The following WWP1 variants were observed in gnomAD, a reference collection of about 807,000 sequenced individuals.
WWP1 encodes the protein NEDD4-like E3 ubiquitin-protein ligase WWP1.
A neutral mutation model predicts 130.6 loss-of-function variants in WWP1; 49 were observed. That is an observed-to-expected ratio of 0.38 (90% CI 0.30 to 0.48). The LOEUF is 0.48. Among genes scored for constraint, WWP1 ranks in the 20% least tolerant of loss-of-function variants. WWP1 has a pLI of 0.99. For synonymous variants in WWP1, 332 were observed against 367.8 expected (o/e 0.90, Z 1.11); for missense variants, 809 against 1,100.6 (o/e 0.74, Z 3.75).
rs1809713400 is a variant in WWP1 at position 86,427,750 on chromosome 8, A to G, written c.1265A>G (p.Gln422Arg). 1.2e-6 allele frequency: 2 copies of G among 1,614,120 alleles called. No individual in the cohort carries two copies. Among genetic ancestry groups the G allele is most frequent in the East Asian group, 2.2e-5 (1 of 44,872 alleles). ...ATGGAATCTGTCCGAAATTTTGAAC[A>G]GTGGCAATCTCAGCGGAACCAATTG... The part of the protein sequence containing the change: ...PTMESVRNFE[Q>R]WQSQRNQLQG... Residue 422 changes from glutamine to arginine, a missense_variant, in exon 11 of 25, where the codon CAG becomes CGG. Transcript: ENST00000517970.
At chr8:86,423,235 A>T (rs1004107662) in intron 9 of WWP1, among the ~76,000 whole-genome samples, 2 of 151,850 alleles carry the variant, frequency 1.3e-5, no homozygotes, top group African/African-American at 2.4e-5. Context: ...TTATTTATTT[A>T]TTTTTTTAAT....
rs370902687 is a variant in WWP1 at position 86,419,344 on chromosome 8, G to A, written c.1062-5879G>A. 7.1e-4 allele frequency among the ~76,000 whole-genome samples: 108 copies of A among 152,288 alleles called. 1 individual carries two copies. Among genetic ancestry groups the A allele is most frequent in the African/African-American group, 2.5e-3 (105 of 41,566 alleles). ...GAGGCAGAAGAATCGCTTGAACCTG[G>A]GAGACGGAGGTTGCAGTGAGCTGAG... is the stretch of plus-strand genomic sequence containing the variant. On this transcript the variant is annotated intron_variant, in intron 9 of 24. Coordinates refer to ENST00000517970, the MANE Select transcript of WWP1 (RefSeq NM_007013.4).
intron 8 of WWP1, among the ~76,000 whole-genome samples, chr8:86,404,467 T>C (rs1195419523): frequency 5.9e-5 from 9 of 152,232 alleles, no homozygotes; most frequent in Non-Finnish European, 1.3e-4. Flanking sequence ...TGTCTGATAC[T>C]TTATAGATTC....
intron 9 of WWP1, among the ~76,000 whole-genome samples, chr8:86,414,660 C>A (rs1192356056): frequency 6.6e-6 from 1 of 152,202 alleles, no homozygotes; most frequent in Non-Finnish European, 1.5e-5. Flanking sequence ...ATGGGTGCCT[C>A]AATCCTGTTG....
rs191529166 is a variant in WWP1, at chr8:86,367,709, T to A, written c.-114-1230T>A. Among the ~76,000 whole-genome samples the A allele has an allele frequency of 5.8e-4, 88 of 152,326 alleles. 2 individuals are homozygous for A. The highest frequency in any genetic ancestry group is 1.1e-3 in the Admixed American group (17 of 15,304). ...TTGTTTTTTCTTTTGCCAACCCTGC[T>A]TTCTAAATTGCTGAACCTAAATTGA... On this transcript the variant is annotated intron_variant, in intron 1 of 24. Transcript: ENST00000517970.
chr8:86,423,336 A>G (rs968343139), intron 9 of WWP1, among the ~76,000 whole-genome samples: 1 of 152,032 alleles, frequency 6.6e-6, no homozygotes, highest in Non-Finnish European at 1.5e-5. Context: ...CAAGTGAACA[A>G]AGGTCTCTGG....
Position 86,468,284 on chromosome 8 carries a change from T to C in WWP1, c.*1391T>C, listed in dbSNP as rs1319130418. The C allele has an allele frequency of 7.5e-6, 3 of 402,292 alleles. No individual in the cohort carries two copies. Among genetic ancestry groups the C allele is most frequent in the Admixed American group, 3.5e-5 (1 of 28,398 alleles). 24.9% of individuals were successfully genotyped at this position (402,292 alleles called of 1,614,324 possible). Reference sequence around the variant, plus strand: ...ACAGTAATTATTGTTTTGCCAAAATTTTATTTTTCTACATATTGAGAGTGT... The same window carrying C: ...ACAGTAATTATTGTTTTGCCAAAATCTTATTTTTCTACATATTGAGAGTGT... On this transcript the variant is annotated 3_prime_UTR_variant, in exon 25 of 25. Transcript: ENST00000517970.
intron 8 of WWP1, among the ~76,000 whole-genome samples, chr8:86,409,831 G>A (rs1429124510): frequency 6.6e-6 from 1 of 151,920 alleles, no homozygotes; most frequent in Non-Finnish European, 1.5e-5. Context: ...CTGCACTCCA[G>A]TCTGGGCCAC....
chr8:86,409,898 T>C (rs1450838506), intron 8 of WWP1, among the ~76,000 whole-genome samples: 1 of 152,174 alleles, frequency 6.6e-6, no homozygotes, highest in Non-Finnish European at 1.5e-5. Context: ...AATTATTGTA[T>C]ATTAATGACT....
chr8:86,390,153 C>T (rs930524761), intron 5 of WWP1, among the ~76,000 whole-genome samples: 7 of 151,486 alleles, frequency 4.6e-5, no homozygotes, highest in Non-Finnish European at 7.4e-5. Flanking sequence ...CGGGCAGACA[C>T]GCTCCTCACT....
chr8:86,408,229 A>C (rs1808390644), intron 8 of WWP1, among the ~76,000 whole-genome samples: 1 of 151,890 alleles, frequency 6.6e-6, no homozygotes, highest in Non-Finnish European at 1.5e-5. Flanking sequence ...TTGACTTCTC[A>C]TTTCTTTTTA....
intron 14 of WWP1, among the ~76,000 whole-genome samples, chr8:86,435,057 A>G (rs1810214586): frequency 6.6e-6 from 1 of 152,206 alleles, no homozygotes; most frequent in Non-Finnish European, 1.5e-5. Context: ...TATTATCTCC[A>G]GGAATATTTG....
intron 9 of WWP1, among the ~76,000 whole-genome samples, chr8:86,422,268 A>G (rs1252750547): frequency 6.6e-6 from 1 of 151,958 alleles, no homozygotes; most frequent in African/African-American, 2.4e-5. Context: ...TTTTCTGGTT[A>G]TTGTATTTTA....
At chr8:86,370,151 G>T (rs1824203494) in intron 2 of WWP1, among the ~76,000 whole-genome samples, 1 of 152,014 alleles carries the variant, frequency 6.6e-6, no homozygotes, top group African/African-American at 2.4e-5. Context: ...TGTTTGATTT[G>T]AATTTCATAA....
chr8:86,371,754 T>C (rs1016101145), intron 2 of WWP1, among the ~76,000 whole-genome samples: 3 of 152,216 alleles, frequency 2.0e-5, no homozygotes, highest in African/African-American at 7.2e-5. Context: ...GTTTCGCAAA[T>C]TTATTCCAGT....
At chr8:86,440,589 A>G (rs542371699) in intron 17 of WWP1, 1 of 422,434 alleles carries the variant, frequency 2.4e-6, no homozygotes, top group Admixed American at 2.8e-5. Flanking sequence ...CTGAAGTTCA[A>G]TAATTTCACT....
intron 5 of WWP1, among the ~76,000 whole-genome samples, chr8:86,396,648 C>T (rs2130475383): frequency 6.6e-6 from 1 of 150,406 alleles, no homozygotes; most frequent in South Asian, 2.1e-4. Flanking sequence ...CACTCGAGTA[C>T]AATAGTGCAA....
At chr8:86,458,989 T>A (rs530927432) in intron 22 of WWP1, among the ~76,000 whole-genome samples, 1 of 151,670 alleles carries the variant, frequency 6.6e-6, no homozygotes, top group Admixed American at 6.6e-5. Flanking sequence ...TATAAGTCTA[T>A]ACCTTGGAGT....
chr8:86,440,638 A>T lies in WWP1; in HGVS notation c.1838+1965A>T, dbSNP rs142130784. On this transcript the variant is annotated intron_variant, in intron 17 of 24. Transcript: ENST00000517970. ...TATCTTTTTTTAGGAATATATTAAG[A>T]TCTTCCTTAATGTCAGGGAAGTTTT... 3,690 of 450,498 alleles carry T rather than the reference A, an allele frequency of 8.2e-3. 27 individuals carry two copies. The highest frequency in any genetic ancestry group is 0.013 in the Non-Finnish European group (2,854 of 225,524). 27.9% of individuals were successfully genotyped at this position (450,498 alleles called of 1,614,324 possible).
Sources: gnomAD v4.1 joint callset for allele counts (sites outside exome capture counted in the v4.1 genomes callset) on GRCh38, gnomAD v4.1.1 for gene constraint, MANE v1.5 for transcripts, NCBI Gene and HGNC (gene_info 2026-07-23, HGNC 2026-07-21) for gene names.